The following LOC400499 variants were observed in gnomAD, a reference collection of about 807,000 sequenced individuals.
chr16:11,380,137 G>A, the LOC400499 span, among the ~76,000 whole-genome samples: 2 of 151,908 alleles, frequency 1.3e-5, no homozygotes, highest in Non-Finnish European at 2.9e-5. Flanking sequence ...TATGTTTAAC[G>A]TAGATGTATA....
At chr16:11,456,585 G>A in the LOC400499 span, among the ~76,000 whole-genome samples, 1 of 152,108 alleles carries the variant, frequency 6.6e-6, no homozygotes, top group Non-Finnish European at 1.5e-5. Flanking sequence ...TTAAAGATAA[G>A]GTTTTCGTTT....
the LOC400499 span, among the ~76,000 whole-genome samples, chr16:11,376,725 A>G: frequency 6.6e-6 from 1 of 152,200 alleles, no homozygotes; most frequent in African/African-American, 2.4e-5. Flanking sequence ...ATAAGTGAAG[A>G]AAAAATGCCA....
chr16:11,387,074 C>T, the LOC400499 span: 34 of 1,231,342 alleles, frequency 2.8e-5, no homozygotes, highest in African/African-American at 4.7e-4. Flanking sequence ...AGGGGGCTCT[C>T]AGGGAGGAGG....
the LOC400499 span, among the ~76,000 whole-genome samples, chr16:11,400,128 T>A: frequency 4.4e-4 from 66 of 150,340 alleles, no homozygotes; most frequent in African/African-American, 1.5e-3. Context: ...GCAACCGTGC[T>A]CCTCACTGGG....
At chr16:11,489,116 G>A in the LOC400499 span, among the ~76,000 whole-genome samples, 1 of 152,208 alleles carries the variant, frequency 6.6e-6, no homozygotes, top group Non-Finnish European at 1.5e-5. Flanking sequence ...GAGAAAGGAA[G>A]GTGTCATGGA....
chr16:11,470,608 C>G, the LOC400499 span: 1 of 152,260 alleles, frequency 6.6e-6, no homozygotes, highest in East Asian at 1.9e-4. Context: ...TTGTTCAACA[C>G]CAACAGAGAT....
the LOC400499 span, among the ~76,000 whole-genome samples, chr16:11,380,632 T>C: frequency 1.3e-5 from 2 of 152,176 alleles, no homozygotes; most frequent in African/African-American, 2.4e-5. Flanking sequence ...CAAAAGTTAA[T>C]TATAACGGGT....
chr16:11,514,776 G>A, the LOC400499 span, among the ~76,000 whole-genome samples: 2 of 152,212 alleles, frequency 1.3e-5, no homozygotes, highest in African/African-American at 4.8e-5. Flanking sequence ...TGACAAGGAC[G>A]AGGGGAAACA....
chr16:11,469,711 C>T, the LOC400499 span: 1 of 398,916 alleles, frequency 2.5e-6, no homozygotes. Context: ...TCCACCTGTA[C>T]CCTTCAGACA....
At chr16:11,400,268 C>G in the LOC400499 span, among the ~76,000 whole-genome samples, 1 of 151,990 alleles carries the variant, frequency 6.6e-6, no homozygotes, top group Non-Finnish European at 1.5e-5. Context: ...TCATTCCCAC[C>G]ACAGGGCCTT....
chr16:11,514,429 G>A, the LOC400499 span: 37 of 399,170 alleles, frequency 9.3e-5, 1 homozygote, highest in Middle Eastern at 6.3e-3. Context: ...TCTGCACAGC[G>A]CTTGCCTTTG....
At chr16:11,401,915 G>C in the LOC400499 span, 3 of 398,004 alleles carry the variant, frequency 7.5e-6, no homozygotes, top group South Asian at 4.1e-4. Flanking sequence ...TTGGGGATGT[G>C]GTACAGCCTC....
the LOC400499 span, chr16:11,515,788 G>GGAGGAGGAGGAGGAAGAGGAA: frequency 2.5e-6 from 1 of 401,030 alleles, no homozygotes. Flanking sequence ...GGAGGAAAAG[G>GGAGGAGGAGGAGGAAGAGGAA]GAGGAGGAGG....
chr16:11,426,116 T>C, the LOC400499 span, among the ~76,000 whole-genome samples: 1 of 152,134 alleles, frequency 6.6e-6, no homozygotes, highest in Non-Finnish European at 1.5e-5. Flanking sequence ...GAAAAGGCAT[T>C]TGACTATATT....
the LOC400499 span, among the ~76,000 whole-genome samples, chr16:11,502,929 T>TTTTTTC: frequency 5.1e-4 from 73 of 144,344 alleles, 1 homozygote; most frequent in Admixed American, 1.3e-3. Flanking sequence ...TTTTTTTTTT[T>TTTTTTC]TTTTTTTTAA....
the LOC400499 span, among the ~76,000 whole-genome samples, chr16:11,421,472 G>A: frequency 3.3e-5 from 5 of 152,050 alleles, no homozygotes; most frequent in African/African-American, 9.7e-5. Context: ...CACAATCTTG[G>A]CTCACTGCAA....
the LOC400499 span, among the ~76,000 whole-genome samples, chr16:11,388,029 T>G: frequency 6.6e-6 from 1 of 152,080 alleles, no homozygotes; most frequent in Non-Finnish European, 1.5e-5. Flanking sequence ...GGATGTCAGC[T>G]CACATGGGGG....
chr16:11,401,759 T>G, the LOC400499 span, among the ~76,000 whole-genome samples: 1 of 152,308 alleles, frequency 6.6e-6, no homozygotes, highest in East Asian at 1.9e-4. Flanking sequence ...GCCGAGCAGA[T>G]GGGAGGCTGA....
chr16:11,443,718 G>C, the LOC400499 span, among the ~76,000 whole-genome samples: 1 of 152,198 alleles, frequency 6.6e-6, no homozygotes, highest in South Asian at 2.1e-4. Flanking sequence ...CAAGGAAACT[G>C]AGGTCCAGAG....
Sources: allele counts gnomAD v4.1 joint callset (sites outside exome capture counted in the v4.1 genomes callset), GRCh38; gene constraint gnomAD v4.1.1; transcripts MANE v1.5.